Variants in MACROD2 observed in about 807,000 individuals in gnomAD.
The protein encoded by MACROD2 is mono-ADP ribosylhydrolase 2.
MACROD2 carries 36 observed loss-of-function variants against 70.4 expected under a neutral mutation model. The observed-to-expected ratio is 0.51, with a 90% CI of 0.39 to 0.68. The LOEUF (loss-of-function observed/expected upper bound fraction) is 0.68, where lower values mean the gene tolerates loss of function less well. MACROD2 is among the 30% of genes least tolerant of loss of function. The pLI is 0.00. For synonymous variants in MACROD2, 172 were observed against 178.8 expected (o/e 0.96, Z 0.30); for missense variants, 496 against 538.4 (o/e 0.92, Z 0.78).
chr20:14,889,256 G>A (rs973516341), intron 5 of MACROD2, among the ~76,000 whole-genome samples: 2 of 152,052 alleles, frequency 1.3e-5, no homozygotes, highest in Non-Finnish European at 2.9e-5. Flanking sequence ...AGGCACTGAG[G>A]ATATATCGGT....
chr20:14,005,495 T>G (rs1378566868), intron 2 of MACROD2, among the ~76,000 whole-genome samples: 4 of 152,180 alleles, frequency 2.6e-5, no homozygotes, highest in Non-Finnish European at 5.9e-5. Context: ...TATTGTACTG[T>G]CTCTAGCACC....
intron 5 of MACROD2, among the ~76,000 whole-genome samples, chr20:14,730,446 A>G (rs2071581639): frequency 6.6e-6 from 1 of 152,138 alleles, no homozygotes; most frequent in Non-Finnish European, 1.5e-5. Flanking sequence ...GGTCTCTCTC[A>G]TGGCGTTAGC....
intron 5 of MACROD2, among the ~76,000 whole-genome samples, chr20:15,145,497 T>C (rs188372558): frequency 2.4e-4 from 36 of 152,292 alleles, no homozygotes; most frequent in Non-Finnish European, 4.7e-4. Context: ...GAACCCTTCT[T>C]TTCTGGGCAG....
At chr20:15,293,600 T>G (rs1217144481) in intron 6 of MACROD2, among the ~76,000 whole-genome samples, 4 of 152,226 alleles carry the variant, frequency 2.6e-5, no homozygotes, top group Non-Finnish European at 5.9e-5. Context: ...TGGAAATAAC[T>G]ATTTCCTAAT....
At chr20:14,508,674 C>G (rs559079809) in intron 4 of MACROD2, among the ~76,000 whole-genome samples, 4 of 152,326 alleles carry the variant, frequency 2.6e-5, no homozygotes, top group South Asian at 2.1e-4. Flanking sequence ...AAAATCCTTG[C>G]TCTTGTGAAG....
At chr20:15,009,022 G>A (rs1043223427) in intron 5 of MACROD2, among the ~76,000 whole-genome samples, 7 of 152,066 alleles carry the variant, frequency 4.6e-5, no homozygotes, top group African/African-American at 1.2e-4. Context: ...AGGAGAACCT[G>A]TGAGGTTCAG....
At chr20:14,639,014 C>T (rs1412249903) in intron 4 of MACROD2, among the ~76,000 whole-genome samples, 3 of 151,448 alleles carry the variant, frequency 2.0e-5, no homozygotes, top group Non-Finnish European at 2.9e-5. Context: ...GTTAGTAGCA[C>T]ATAGTAGGCA....
intron 3 of MACROD2, among the ~76,000 whole-genome samples, chr20:14,170,266 G>A (rs920283249): frequency 1.3e-5 from 2 of 152,004 alleles, no homozygotes; most frequent in African/African-American, 4.8e-5. Flanking sequence ...GGGTTTTCTT[G>A]GTATACAATC....
chr20:15,477,244 G>T (rs774860244), intron 7 of MACROD2, among the ~76,000 whole-genome samples: 25 of 151,862 alleles, frequency 1.6e-4, no homozygotes, highest in Non-Finnish European at 3.4e-4. Flanking sequence ...GGGACTACAG[G>T]CACGCACCAC....
chr20:14,472,992 A>T (rs573189043), intron 3 of MACROD2, among the ~76,000 whole-genome samples: 1 of 152,268 alleles, frequency 6.6e-6, no homozygotes, highest in Non-Finnish European at 1.5e-5. Flanking sequence ...CAAGACCCTC[A>T]CTAAGAGGTT....
intron 3 of MACROD2, among the ~76,000 whole-genome samples, chr20:14,382,677 TATAAATAAATAA>T (rs746201530): frequency 1.2e-5 from 1 of 82,500 alleles, no homozygotes; most frequent in Non-Finnish European, 3.0e-5. Context: ...TCAAAAAAGA[TATAAATAAATAA>T]ATAAATAAAT....
At chr20:15,940,052 C>T (rs376765878) in intron 12 of MACROD2, among the ~76,000 whole-genome samples, 24 of 152,244 alleles carry the variant, frequency 1.6e-4, no homozygotes, top group African/African-American at 5.5e-4. Flanking sequence ...GAGATGGAAT[C>T]TGCTCCTGGT....
chr20:15,004,710 T>A (rs538542345), intron 5 of MACROD2, among the ~76,000 whole-genome samples: 3 of 152,274 alleles, frequency 2.0e-5, no homozygotes, highest in African/African-American at 7.2e-5. Context: ...ATTCTAGAAC[T>A]CTTTGGTTGT....
intron 2 of MACROD2, among the ~76,000 whole-genome samples, chr20:14,026,612 T>G (rs1314169195): frequency 1.3e-5 from 2 of 152,196 alleles, no homozygotes; most frequent in African/African-American, 4.8e-5. Flanking sequence ...AAGCTTAGTT[T>G]GGCTGGATAT....
At chr20:14,723,890 T>C (rs1368965458) in intron 5 of MACROD2, among the ~76,000 whole-genome samples, 1 of 152,098 alleles carries the variant, frequency 6.6e-6, no homozygotes, top group East Asian at 1.9e-4. Context: ...AAATGAATTA[T>C]GTTCTATTGT....
chr20:14,844,701 T>C lies in MACROD2; in HGVS notation c.418+159742T>C, dbSNP rs372721631. Among the ~76,000 whole-genome samples, 33 of 152,094 alleles carry C rather than the reference T, an allele frequency of 2.2e-4. 1 individual carries two copies. In the East Asian group the frequency reaches 3.1e-3, roughly 14 times the overall value. ...CTCAAAAAGAAAGGCATAAACATAGTGTCCTAGGCAAACTGGTCCTTATGC... is the reference window on the plus strand; with the variant it reads ...CTCAAAAAGAAAGGCATAAACATAGCGTCCTAGGCAAACTGGTCCTTATGC... On this transcript the variant is annotated intron_variant, in intron 5 of 17. Coordinates refer to ENST00000684519, the MANE Select transcript of MACROD2 (RefSeq NM_001351661.2).
intron 3 of MACROD2, among the ~76,000 whole-genome samples, chr20:14,366,485 G>A (rs1404491776): frequency 2.0e-5 from 3 of 151,090 alleles, no homozygotes; most frequent in Non-Finnish European, 4.4e-5. Context: ...CCTTGCCTCA[G>A]CCTCCCAAGT....
chr20:14,034,168 G>GT (rs2053280048), intron 2 of MACROD2, among the ~76,000 whole-genome samples: 1 of 152,070 alleles, frequency 6.6e-6, no homozygotes, highest in African/African-American at 2.4e-5. Context: ...TAGAGACGGG[G>GT]TTTCACCATG....
At chr20:14,468,941 G>T (rs1255614627) in intron 3 of MACROD2, among the ~76,000 whole-genome samples, 1 of 152,072 alleles carries the variant, frequency 6.6e-6, no homozygotes, top group Non-Finnish European at 1.5e-5. Flanking sequence ...TACATTTAAG[G>T]TTAATATTGT....
Sources: allele counts gnomAD v4.1 joint callset (sites outside exome capture counted in the v4.1 genomes callset), GRCh38; gene constraint gnomAD v4.1.1; transcripts MANE v1.5; gene names NCBI Gene and HGNC (gene_info 2026-07-23, HGNC 2026-07-21).